The following ZNF521 variants were observed in gnomAD, a reference collection of about 807,000 sequenced individuals.
The protein encoded by ZNF521 is zinc finger protein 521.
ZNF521 carries 14 observed loss-of-function variants against 105.5 expected under a neutral mutation model. The observed-to-expected ratio is 0.13, with a 90% CI of 0.09 to 0.21. The LOEUF is 0.21. ZNF521 is among the 10% of genes least tolerant of loss of function. ZNF521 has a pLI of 1.00. For missense variants in ZNF521, 1,233 were observed against 1,629.7 expected (o/e 0.76, Z 4.19); for synonymous variants, 635 against 606.0 (o/e 1.05, Z -0.70).
rs574540111 is a variant in ZNF521 at position 25,346,691 on chromosome 18, T to C, written c.40+4216A>G. Among the ~76,000 whole-genome samples, 4 of 152,314 alleles carry C rather than the reference T, an allele frequency of 2.6e-5. No homozygotes were observed. The East Asian group carries it at 7.7e-4, about 29-fold the overall frequency. ...AAATGGGGGAAAGGTCAATCACAAGTGTGATAACTTCAAAATGTGCCAAGT... is the reference window on the plus strand; with the variant it reads ...AAATGGGGGAAAGGTCAATCACAAGCGTGATAACTTCAAAATGTGCCAAGT... On this transcript the variant is annotated intron_variant, in intron 2 of 7. Transcript: ENST00000361524.
At chr18:25,097,351 A>C (rs1297595163) in intron 5 of ZNF521, among the ~76,000 whole-genome samples, 1 of 152,194 alleles carries the variant, frequency 6.6e-6, no homozygotes, top group Non-Finnish European at 1.5e-5. Context: ...CTTAGGCTTC[A>C]AAGTCTGCCG....
intron 3 of ZNF521, among the ~76,000 whole-genome samples, chr18:25,235,006 C>CA (rs1278250753): frequency 2.0e-5 from 3 of 151,622 alleles, no homozygotes; most frequent in Admixed American, 2.0e-4. Context: ...AAAAATATTC[C>CA]AAAAAAACTC....
intron 3 of ZNF521, among the ~76,000 whole-genome samples, chr18:25,280,599 G>C (rs1600251276): frequency 3.3e-5 from 5 of 152,160 alleles, no homozygotes; most frequent in African/African-American, 9.6e-5. Flanking sequence ...AGGACTCCAG[G>C]CTTCTTTCAA....
chr18:25,141,905 G>A (rs1026672838), intron 5 of ZNF521, among the ~76,000 whole-genome samples: 2 of 152,030 alleles, frequency 1.3e-5, no homozygotes, highest in African/African-American at 4.8e-5. Context: ...CATTCCATGC[G>A]CTAGGAAGTT....
chr18:25,109,257 C>T (rs1463155744), intron 5 of ZNF521, among the ~76,000 whole-genome samples: 1 of 152,178 alleles, frequency 6.6e-6, no homozygotes, highest in Non-Finnish European at 1.5e-5. Flanking sequence ...GTCTCCAGCT[C>T]TATCCATGTT....
chr18:25,331,903 T>TC (rs1378186693), intron 2 of ZNF521, among the ~76,000 whole-genome samples: 1 of 150,544 alleles, frequency 6.6e-6, no homozygotes, highest in Non-Finnish European at 1.5e-5. Context: ...CTTTTTTTTT[T>TC]TTTTTAAATT....
intron 5 of ZNF521, among the ~76,000 whole-genome samples, chr18:25,177,903 T>C (rs972976034): frequency 6.6e-6 from 1 of 152,218 alleles, no homozygotes; most frequent in Non-Finnish European, 1.5e-5. Context: ...CACAATTTTG[T>C]TCTTGTCCTG....
chr18:25,225,545 G>A lies in ZNF521; in HGVS notation c.2373C>T (p.Ser791=). 2 of 1,614,144 alleles carry A rather than the reference G, an allele frequency of 1.2e-6. No homozygotes were observed. The highest frequency in any genetic ancestry group is 1.7e-6 in the Non-Finnish European group (2 of 1,180,018). ...KVHKCIFCGE[S]FGTEVELQCH... is the part of the protein sequence containing the mutation. ...ATTGCAGCTCCACCTCGGTGCCAAA[G>A]GACTCACCGCAGAAAATGCACTTAT... is the stretch of plus-strand genomic sequence containing the variant. The change falls in exon 4 of 8, where the codon TCC becomes TCT. Residue 791 remains serine, a synonymous_variant. Transcript: ENST00000361524. The surrounding 1 kb of genome is among the most constrained non-coding windows in gnomAD (Gnocchi z 5.6).
chr18:25,238,556 A>G (rs1907086646), intron 3 of ZNF521, among the ~76,000 whole-genome samples: 3 of 152,342 alleles, frequency 2.0e-5, no homozygotes, highest in South Asian at 2.1e-4. Flanking sequence ...AAAAAAAGAC[A>G]CAGTCAAACT....
chr18:25,351,011 C>CG, intron 1 of ZNF521, 64 bp from the exon 2 acceptor site: 1 of 1,378,044 alleles, frequency 7.3e-7, no homozygotes, highest in Non-Finnish European at 9.5e-7. Context: ...TCCTCGTGGC[C>CG]GCGCGCCCCT....
intron 3 of ZNF521, among the ~76,000 whole-genome samples, chr18:25,234,933 AATTT>A (rs1400814991): frequency 2.0e-5 from 3 of 152,296 alleles, no homozygotes; most frequent in African/African-American, 4.8e-5. Flanking sequence ...AATATGGATT[AATTT>A]ATTAACAATA....
intron 2 of ZNF521, among the ~76,000 whole-genome samples, chr18:25,340,284 A>G (rs1914125771): frequency 6.6e-6 from 1 of 152,096 alleles, no homozygotes; most frequent in Non-Finnish European, 1.5e-5. Context: ...GAACCCAGGC[A>G]GTGGAGGTTG....
Position 25,116,873 on chromosome 18 carries a change from A to G in ZNF521, c.3659-24792T>C, listed in dbSNP as rs1474301933. 0.015 allele frequency among the ~76,000 whole-genome samples: 76 copies of G among 4,968 alleles called. No individual in the cohort carries two copies. The Non-Finnish European group carries it at 0.16, about 11-fold the overall frequency. The allele number at this position is 4,968 out of a possible 152,430, so 3.3% of individuals were successfully genotyped here. On this transcript the variant is annotated intron_variant, in intron 5 of 7. Coordinates refer to ENST00000361524, the MANE Select transcript of ZNF521 (RefSeq NM_015461.3). ...AAATCTGTTACATATATATATACGTATATATATATATATACGTATATATAT... is the reference window on the plus strand; with the variant it reads ...AAATCTGTTACATATATATATACGTGTATATATATATATACGTATATATAT...
chr18:25,271,741 G>A (rs555075454), intron 3 of ZNF521, among the ~76,000 whole-genome samples: 2 of 152,162 alleles, frequency 1.3e-5, no homozygotes, highest in South Asian at 4.1e-4. Context: ...CTGGATCCCT[G>A]CCTTACACCT....
chr18:25,073,145 T>C (rs1249796555), intron 7 of ZNF521, among the ~76,000 whole-genome samples: 4 of 152,216 alleles, frequency 2.6e-5, no homozygotes, highest in Non-Finnish European at 5.9e-5. Context: ...GCTGAAGCTA[T>C]ATTCAAGCAT....
intron 2 of ZNF521, among the ~76,000 whole-genome samples, chr18:25,341,592 G>A (rs1914203519): frequency 6.6e-6 from 1 of 152,088 alleles, no homozygotes; most frequent in African/African-American, 2.4e-5. Context: ...CAGTTCAAGT[G>A]GACATATTTC....
intron 2 of ZNF521, among the ~76,000 whole-genome samples, chr18:25,322,841 T>C (rs1913013448): frequency 6.6e-6 from 1 of 152,126 alleles, no homozygotes; most frequent in African/African-American, 2.4e-5. Flanking sequence ...ATAAGATATA[T>C]GAAAAACAAT....
chr18:25,146,264 A>G (rs2034941644), intron 5 of ZNF521, among the ~76,000 whole-genome samples: 1 of 152,172 alleles, frequency 6.6e-6, no homozygotes, highest in Admixed American at 6.6e-5. Flanking sequence ...ATTCCAGGAA[A>G]TTTCAGGAAA....
intron 3 of ZNF521, among the ~76,000 whole-genome samples, chr18:25,295,430 A>T (rs1911271592): frequency 6.6e-6 from 1 of 152,212 alleles, no homozygotes; most frequent in Non-Finnish European, 1.5e-5. Context: ...ATAGTCAAAA[A>T]TAATTTAATT....
Sources: allele counts gnomAD v4.1 joint callset (sites outside exome capture counted in the v4.1 genomes callset), GRCh38; gene constraint gnomAD v4.1.1; non-coding constraint Gnocchi (gnomAD v3.1); transcripts MANE v1.5; gene names NCBI Gene and HGNC (gene_info 2026-07-23, HGNC 2026-07-21).